The following AUTS2 variants were observed in gnomAD, a reference collection of about 807,000 sequenced individuals.
AUTS2 encodes the protein autism susceptibility gene 2 protein.
In AUTS2, 17 loss-of-function variants were observed where a neutral mutation model predicts 112.4. That is an observed-to-expected ratio of 0.15 (90% CI 0.10 to 0.23). AUTS2 has a LOEUF of 0.23. Among genes scored for constraint, AUTS2 ranks in the 10% least tolerant of loss-of-function variants. The pLI, the probability that AUTS2 is intolerant of heterozygous loss-of-function variation, is 1.00. For synonymous variants in AUTS2, 751 were observed against 702.7 expected (o/e 1.07, Z -1.09); for missense variants, 1,510 against 1,701.6 (o/e 0.89, Z 1.98).
At chr7:70,670,185 T>C (rs1249782523) in intron 5 of AUTS2, among the ~76,000 whole-genome samples, 1 of 152,238 alleles carries the variant, frequency 6.6e-6, no homozygotes, top group Non-Finnish European at 1.5e-5. Context: ...TAATATTTTA[T>C]TTGATTTCTG....
At chr7:70,443,118 A>G (rs1796185824) in intron 5 of AUTS2, among the ~76,000 whole-genome samples, 1 of 152,246 alleles carries the variant, frequency 6.6e-6, no homozygotes, top group Non-Finnish European at 1.5e-5. Context: ...TGCACCTGAA[A>G]AAGAAGTTAT....
At chr7:69,736,185 C>T (rs1009305706) in intron 1 of AUTS2, among the ~76,000 whole-genome samples, 30 of 152,274 alleles carry the variant, frequency 2.0e-4, no homozygotes, top group African/African-American at 6.7e-4. Context: ...ATTTAACCCC[C>T]AGTCTGTCTC....
intron 1 of AUTS2, among the ~76,000 whole-genome samples, chr7:69,690,584 T>C (rs1001647109): frequency 3.9e-5 from 6 of 152,190 alleles, no homozygotes; most frequent in African/African-American, 1.2e-4. Context: ...CATATGAGGC[T>C]GTGGCTGGAC....
chr7:69,904,792 AC>A (rs1292122324), intron 2 of AUTS2, among the ~76,000 whole-genome samples: 2 of 152,216 alleles, frequency 1.3e-5, no homozygotes, highest in Non-Finnish European at 2.9e-5. Context: ...GTTGCATACT[AC>A]TTTTTCCCCT....
chr7:69,618,835 C>A (rs1441476554), intron 1 of AUTS2, among the ~76,000 whole-genome samples: 1 of 152,146 alleles, frequency 6.6e-6, no homozygotes, highest in African/African-American at 2.4e-5. Flanking sequence ...GCAGGAACCA[C>A]AGTCAACCGT....
chr7:70,767,947 T>C, intron 9 of AUTS2, 77 bp from the exon 10 acceptor site: 1 of 1,450,320 alleles, frequency 6.9e-7, no homozygotes. Context: ...CAGGGAAGCT[T>C]TGTAGGGCCA....
At chr7:69,808,462 A>G (rs1459791669) in intron 1 of AUTS2, among the ~76,000 whole-genome samples, 1 of 152,192 alleles carries the variant, frequency 6.6e-6, no homozygotes, top group Non-Finnish European at 1.5e-5. Context: ...TGTTTTTCAC[A>G]TGTTTAGCAT....
chr7:70,468,624 G>A lies in AUTS2; in HGVS notation c.690+32843G>A, dbSNP rs117046926. 3.5e-3 allele frequency among the ~76,000 whole-genome samples: 530 copies of A among 152,272 alleles called. 7 individuals are homozygous for A. The East Asian group carries it at 0.036, about 10-fold the overall frequency. On this transcript the variant is annotated intron_variant, in intron 5 of 18. Transcript: ENST00000342771. ...GACTAGAGGGGGGCAAATACATTGC[G>A]AAATTTTTAAAGAGAAAGGAGTGTT...
rs1017520786 is a variant in AUTS2 at position 70,671,179 on chromosome 7, G to A, written c.691-27390G>A. On this transcript the variant is annotated intron_variant, in intron 5 of 18. Transcript: ENST00000342771. ...AGCCTGGGTGACAGAGCGAGACTCC[G>A]TCTCAAAAAACAAACAAACAAAAAC... 7.9e-5 allele frequency among the ~76,000 whole-genome samples: 12 copies of A among 152,218 alleles called. No individual in the cohort carries two copies. In the East Asian group the frequency reaches 1.5e-3, roughly 20 times the overall value.
At chr7:70,151,574 A>G (rs1807443413) in intron 4 of AUTS2, among the ~76,000 whole-genome samples, 2 of 152,120 alleles carry the variant, frequency 1.3e-5, no homozygotes, top group Admixed American at 1.3e-4. Flanking sequence ...CCTGGGTTCA[A>G]GCGATTCTCC....
chr7:70,552,629 A>G (rs545574582), intron 5 of AUTS2, among the ~76,000 whole-genome samples: 1 of 152,334 alleles, frequency 6.6e-6, no homozygotes, highest in South Asian at 2.1e-4. Context: ...GCATTTAGAA[A>G]TGGCCCTTCC....
chr7:70,046,453 TTCTTA>T (rs901725658), intron 2 of AUTS2, among the ~76,000 whole-genome samples: 21 of 152,220 alleles, frequency 1.4e-4, no homozygotes, highest in African/African-American at 4.6e-4. Context: ...GATGTTATTG[TTCTTA>T]TCTTGTTAAA....
chr7:69,762,293 CTTTTTTTTTTTTTTTTTTTTTT>C (rs534032498), intron 1 of AUTS2, among the ~76,000 whole-genome samples: 1 of 61,586 alleles, frequency 1.6e-5, no homozygotes. Flanking sequence ...GCCAAGTTGT[CTTTTTTTTTTTTTTTTTTTTTT>C]TTTTTTTTTG....
At chr7:70,418,073 TTCTG>T (rs1795058412) in intron 4 of AUTS2, among the ~76,000 whole-genome samples, 3 of 123,318 alleles carry the variant, frequency 2.4e-5, no homozygotes, top group East Asian at 2.3e-4. Flanking sequence ...GTGGCTAACT[TTCTG>T]TGTGTGTGTG....
intron 14 of AUTS2, 144 bp from the exon 15 acceptor site, chr7:70,781,471 G>GT: frequency 5.1e-6 from 5 of 986,686 alleles, no homozygotes; most frequent in Non-Finnish European, 7.3e-6. Flanking sequence ...GGGTGAAATG[G>GT]TTTTTGTGTA....
At chr7:70,563,900 T>TA (rs1801595351) in intron 5 of AUTS2, among the ~76,000 whole-genome samples, 1 of 152,204 alleles carries the variant, frequency 6.6e-6, no homozygotes, top group African/African-American at 2.4e-5. Context: ...TACCCTGTGA[T>TA]ATAGAAAGCT....
chr7:70,697,980 T>C lies in AUTS2; in HGVS notation c.691-589T>C, dbSNP rs541428937. 5.9e-5 allele frequency among the ~76,000 whole-genome samples: 9 copies of C among 152,318 alleles called. No individual in the cohort carries two copies. In the East Asian group the frequency reaches 1.7e-3, roughly 29 times the overall value. On this transcript the variant is annotated intron_variant, in intron 5 of 18. Coordinates refer to ENST00000342771, the MANE Select transcript of AUTS2 (RefSeq NM_015570.4). ...GAAAATGGAAAGGAAATAATGCTGG[T>C]GGCATGCATAGTGGTCGGATTTTGG...
At chr7:70,588,234 G>A (rs1585339596) in intron 5 of AUTS2, among the ~76,000 whole-genome samples, 1 of 152,272 alleles carries the variant, frequency 6.6e-6, no homozygotes, top group East Asian at 1.9e-4. Flanking sequence ...AAATCGGTGT[G>A]GTGCCAGCAG....
chr7:70,535,899 C>T (rs1319130181), intron 5 of AUTS2, among the ~76,000 whole-genome samples: 2 of 152,162 alleles, frequency 1.3e-5, no homozygotes, highest in African/African-American at 4.8e-5. Flanking sequence ...GTAAGCAGAG[C>T]AACTGGGTTT....
Sources: gnomAD v4.1 joint callset for allele counts (sites outside exome capture counted in the v4.1 genomes callset) on GRCh38, gnomAD v4.1.1 for gene constraint, MANE v1.5 for transcripts, NCBI Gene and HGNC (gene_info 2026-07-23, HGNC 2026-07-21) for gene names.